Variants in EFCAB8 observed in about 807,000 individuals in gnomAD.
The protein encoded by EFCAB8 is EF-hand calcium-binding domain-containing protein 8.
A neutral mutation model predicts 116.3 loss-of-function variants in EFCAB8; 100 were observed. The observed-to-expected ratio is 0.86, with a 90% CI of 0.73 to 1.02. The LOEUF (loss-of-function observed/expected upper bound fraction) is 1.02. Among genes scored for constraint, EFCAB8 ranks in the 50% least tolerant of loss-of-function variants. EFCAB8 has a pLI of 0.00. For synonymous variants in EFCAB8, 558 were observed against 567.9 expected, an observed-to-expected ratio of 0.98 and a Z score of 0.25; for missense variants, 1,320 against 1,416.9, an observed-to-expected ratio of 0.93 and a Z score of 1.10.
intron 10 of EFCAB8, 196 bp from the exon 11 acceptor site, chr20:32,898,297 C>G (rs1322159313): frequency 2.0e-6 from 1 of 502,902 alleles, no homozygotes. Flanking sequence ...TTTTCAGTGA[C>G]GAGAGATGGC....
rs1987250281 is a variant in EFCAB8, at chr20:32,917,650, T to C, written c.2061+145T>C. ...GGATGGGGTGGGGAGCTTGGTTAGGTAGGTGGTAGTTTCTGTAATTATCCT... is the reference window on the plus strand; with the variant it reads ...GGATGGGGTGGGGAGCTTGGTTAGGCAGGTGGTAGTTTCTGTAATTATCCT... On this transcript the variant is annotated intron_variant, in intron 18 of 26. Transcript: ENST00000400522. 12 of 876,744 alleles carry C rather than the reference T, an allele frequency of 1.4e-5. No individual in the cohort carries two copies. In the South Asian group the frequency reaches 2.1e-4, roughly 15 times the overall value. 54.3% of individuals were successfully genotyped at this position (876,744 alleles called of 1,614,324 possible). A position where few individuals can be genotyped will look rare whatever the true frequency, so the allele number is the denominator to read the frequency against.
chr20:32,939,124 T>C (rs1206134306), intron 22 of EFCAB8, among the ~76,000 whole-genome samples: 1 of 101,214 alleles, frequency 9.9e-6, no homozygotes, highest in Non-Finnish European at 2.0e-5. Flanking sequence ...TCTCTTTCTT[T>C]CTCTTTCTTT....
Position 32,961,758 on chromosome 20 carries a change from T to C in EFCAB8, c.*149T>C, listed in dbSNP as rs545643723. On this transcript the variant is annotated 3_prime_UTR_variant, in exon 27 of 27. Coordinates refer to ENST00000400522, the MANE Select transcript of EFCAB8 (RefSeq NM_001143967.2). ...GCCTCTCTGGGGAAGTTCACCTGTC[T>C]CCTAATCTTGTCTTCTCTCTGGCCC... The C allele has an allele frequency of 1.8e-5, 8 of 455,740 alleles. No individual in the cohort carries two copies. The highest frequency in any genetic ancestry group is 2.9e-5 in the Non-Finnish European group (8 of 273,678). The allele number at this position is 455,740 out of a possible 1,614,324, so 28.2% of individuals were successfully genotyped here.
At chr20:32,930,858 CA>C (rs1987881828) in intron 21 of EFCAB8, among the ~76,000 whole-genome samples, 1 of 152,192 alleles carries the variant, frequency 6.6e-6, no homozygotes, top group African/African-American at 2.4e-5. Flanking sequence ...CTGTCTTCTC[CA>C]ACTCCCTCAT....
At chr20:32,867,040 C>T (rs1239045463) in intron 2 of EFCAB8, among the ~76,000 whole-genome samples, 2 of 152,142 alleles carry the variant, frequency 1.3e-5, no homozygotes, top group African/African-American at 2.4e-5. Context: ...GCCTCAGCCT[C>T]CTGAGTAGCT....
At chr20:32,869,882 G>A (rs1275157782) in intron 3 of EFCAB8, among the ~76,000 whole-genome samples, 1 of 152,184 alleles carries the variant, frequency 6.6e-6, no homozygotes, top group Non-Finnish European at 1.5e-5. Context: ...CACTGGCTAA[G>A]CTATTCCTCT....
At chr20:32,939,493 C>T (rs1289163592) in intron 22 of EFCAB8, among the ~76,000 whole-genome samples, 2 of 146,314 alleles carry the variant, frequency 1.4e-5, no homozygotes, top group Non-Finnish European at 3.0e-5. Flanking sequence ...CTGTATTGGT[C>T]ACGCTGGTCT....
At chr20:32,883,751 C>T (rs6141841) in intron 5 of EFCAB8, among the ~76,000 whole-genome samples, 17,104 of 151,742 alleles carry the variant, frequency 0.11, 1,288 homozygotes, top group South Asian at 0.27. Context: ...AGTGCAGTGG[C>T]GCAATCTTGG....
At chr20:32,919,953 A>G in intron 19 of EFCAB8, 125 bp from the exon 20 acceptor site, 3 of 1,250,900 alleles carry the variant, frequency 2.4e-6, no homozygotes, top group African/African-American at 1.5e-5. Flanking sequence ...TGCTTTTCCC[A>G]GGCCAGTGTA....
chr20:32,950,309 A>T (rs992337551), intron 23 of EFCAB8, among the ~76,000 whole-genome samples: 1 of 152,238 alleles, frequency 6.6e-6, no homozygotes, highest in Non-Finnish European at 1.5e-5. Flanking sequence ...TTTAGAATAT[A>T]TAAACTCTCA....
At chr20:32,952,549 T>C (rs1340141026) in intron 23 of EFCAB8, among the ~76,000 whole-genome samples, 1 of 152,232 alleles carries the variant, frequency 6.6e-6, no homozygotes, top group African/African-American at 2.4e-5. Context: ...AATTTGTTAT[T>C]GGCCACTCAT....
intron 8 of EFCAB8, 77 bp downstream of exon 8, chr20:32,892,374 T>C: frequency 7.1e-7 from 1 of 1,401,236 alleles, no homozygotes; most frequent in East Asian, 2.5e-5. Flanking sequence ...CTGACTAGGG[T>C]TGGGGCCCCC....
At chr20:32,860,905 A>G (rs1481398871) in intron 1 of EFCAB8, among the ~76,000 whole-genome samples, 1 of 151,812 alleles carries the variant, frequency 6.6e-6, no homozygotes, top group African/African-American at 2.4e-5. Context: ...TACCCAGATA[A>G]TTTTTTGTAT....
At chr20:32,915,320 A>C (rs555089349) in intron 17 of EFCAB8, among the ~76,000 whole-genome samples, 3 of 152,268 alleles carry the variant, frequency 2.0e-5, no homozygotes, top group African/African-American at 7.2e-5. Context: ...AAATTTGCTC[A>C]GTCAAATATC....
intron 3 of EFCAB8, among the ~76,000 whole-genome samples, chr20:32,873,222 C>T (rs950003348): frequency 2.0e-5 from 3 of 152,110 alleles, no homozygotes; most frequent in Middle Eastern, 6.8e-3. Flanking sequence ...GCGGGGGTGG[C>T]CTCCTTAGAC....
intron 3 of EFCAB8, among the ~76,000 whole-genome samples, chr20:32,871,417 G>A (rs1475463039): frequency 6.6e-6 from 1 of 151,958 alleles, no homozygotes; most frequent in Non-Finnish European, 1.5e-5. Flanking sequence ...AGGACTACAG[G>A]TGCATGCTAC....
chr20:32,939,201 TTCCTCTCTCTCTCTCTCTCTCTC>T (rs1988298092), intron 22 of EFCAB8, among the ~76,000 whole-genome samples: 1 of 76,468 alleles, frequency 1.3e-5, no homozygotes, highest in Non-Finnish European at 2.7e-5. Context: ...CTTTCTTTCT[TTCCTCTCTCTCTCTCTCTCTCTC>T]TCTTTCCCTC....
intron 13 of EFCAB8, chr20:32,907,217 A>G: frequency 1.5e-6 from 1 of 683,772 alleles, no homozygotes; most frequent in Non-Finnish European, 1.8e-6. Context: ...GACCCTGGCA[A>G]GTCCTTCCCT....
chr20:32,930,738 C>T lies in EFCAB8; in HGVS notation c.2631+122C>T. On this transcript the variant is annotated intron_variant, in intron 21 of 26. Transcript: ENST00000400522. ...CTGGGTACTGGTTCCATTTGTGAAA[C>T]AATGCAGCGAGGAGTCCTCTCCTGC... 3 of 990,678 alleles carry T rather than the reference C, an allele frequency of 3.0e-6. No homozygotes were observed. In the South Asian group the frequency reaches 4.7e-5, roughly 15 times the overall value. The allele number at this position is 990,678 out of a possible 1,614,324, so 61.4% of individuals were successfully genotyped here.
Sources: gnomAD v4.1 joint callset for allele counts (sites outside exome capture counted in the v4.1 genomes callset) on GRCh38, gnomAD v4.1.1 for gene constraint, MANE v1.5 for transcripts, NCBI Gene and HGNC (gene_info 2026-07-23, HGNC 2026-07-21) for gene names.